The following NFKB1 variants were observed in gnomAD, a reference collection of about 807,000 sequenced individuals.
The protein encoded by NFKB1 is nuclear factor kappa B subunit 1.
Under a neutral mutation model 105.1 loss-of-function variants are expected in NFKB1, and 9 were observed. That is an observed-to-expected ratio of 0.09 (90% confidence interval 0.05 to 0.15). The LOEUF is 0.15. Among genes scored for constraint, NFKB1 ranks in the 10% least tolerant of loss-of-function variants. The pLI, the probability that NFKB1 is intolerant of heterozygous loss-of-function variation, is 1.00. For missense variants in NFKB1, 830 were observed against 1,203.7 expected (o/e 0.69, Z 4.59); for synonymous variants, 440 against 442.2 (o/e 1.00, Z 0.06).
intron 23 of NFKB1, among the ~76,000 whole-genome samples, chr4:102,615,729 A>T (rs764966785): frequency 5.9e-5 from 9 of 152,274 alleles, no homozygotes; most frequent in Admixed American, 2.0e-4. Flanking sequence ...ATCAGTCAAT[A>T]CCAAAATGAT....
chr4:102,616,654 A>G lies in NFKB1; in HGVS notation c.*60A>G, dbSNP rs916516579. On this transcript the variant is annotated 3_prime_UTR_variant, in exon 24 of 24. Transcript: ENST00000226574. Reference sequence around the variant, plus strand: ...GCCCTAAAATTCCACTGCGTTGTCCACAAGACAGAAGCTGAAGTGCATCCA... The same window carrying G: ...GCCCTAAAATTCCACTGCGTTGTCCGCAAGACAGAAGCTGAAGTGCATCCA... 2 of 1,561,236 alleles carry G rather than the reference A, an allele frequency of 1.3e-6. No individual in the cohort carries two copies. The highest frequency in any genetic ancestry group is 1.7e-6 in the Non-Finnish European group (2 of 1,146,204).
At chr4:102,528,269 G>T (rs1484503599) in intron 2 of NFKB1, among the ~76,000 whole-genome samples, 1 of 152,060 alleles carries the variant, frequency 6.6e-6, no homozygotes, top group African/African-American at 2.4e-5. Flanking sequence ...TTAAAATCCT[G>T]TATGAAATGA....
intron 6 of NFKB1, 128 bp downstream of exon 6, chr4:102,567,263 G>A: frequency 1.0e-6 from 1 of 969,182 alleles, no homozygotes; most frequent in Non-Finnish European, 1.5e-6. Context: ...AAAAAACTGT[G>A]TAAACTTGTG....
At chr4:102,592,320 T>C (rs1162876463) in intron 11 of NFKB1, among the ~76,000 whole-genome samples, 3 of 152,228 alleles carry the variant, frequency 2.0e-5, no homozygotes, top group Admixed American at 1.3e-4. Flanking sequence ...TAAAATGTTA[T>C]CAAAACAGCA....
chr4:102,574,125 C>CTTTTT (rs56977004), intron 6 of NFKB1, among the ~76,000 whole-genome samples: 23 of 93,208 alleles, frequency 2.5e-4, no homozygotes, highest in East Asian at 6.3e-4. Context: ...TCTTGGATTC[C>CTTTTT]TTTTTTTTTT....
At chr4:102,598,283 T>C (rs939958148) in intron 15 of NFKB1, among the ~76,000 whole-genome samples, 14 of 152,212 alleles carry the variant, frequency 9.2e-5, no homozygotes, top group Non-Finnish European at 1.8e-4. Context: ...GGCTTCTTTC[T>C]AAAACAGTTC....
intron 6 of NFKB1, among the ~76,000 whole-genome samples, chr4:102,574,125 CTTTTTT>C (rs56977004): frequency 3.2e-5 from 3 of 93,250 alleles, no homozygotes; most frequent in African/African-American, 1.4e-4. Flanking sequence ...TCTTGGATTC[CTTTTTT>C]TTTTTTTTTT....
intron 1 of NFKB1, among the ~76,000 whole-genome samples, chr4:102,520,995 A>G (rs1340042028): frequency 6.6e-6 from 1 of 152,204 alleles, no homozygotes; most frequent in African/African-American, 2.4e-5. Flanking sequence ...CATATAACTT[A>G]GTAAAAGTTT....
At chr4:102,529,221 A>G (rs1560644958) in intron 2 of NFKB1, among the ~76,000 whole-genome samples, 1 of 152,178 alleles carries the variant, frequency 6.6e-6, no homozygotes, top group Non-Finnish European at 1.5e-5. Context: ...CACCCACTAG[A>G]TTCCAGGTAT....
At chr4:102,596,112 A>C (rs766335149) in intron 13 of NFKB1, 26 bp from the exon 14 acceptor site, 3 of 1,479,950 alleles carry the variant, frequency 2.0e-6, no homozygotes, top group Non-Finnish European at 2.7e-6. Context: ...ACTGAGAAAA[A>C]TCTGATGTTT....
At chr4:102,580,992 A>G (rs1725275808) in intron 9 of NFKB1, among the ~76,000 whole-genome samples, 1 of 152,222 alleles carries the variant, frequency 6.6e-6, no homozygotes, top group Non-Finnish European at 1.5e-5. Flanking sequence ...AAACACACAC[A>G]CAGAATAATG....
intron 1 of NFKB1, among the ~76,000 whole-genome samples, chr4:102,514,957 T>C (rs1222242902): frequency 1.3e-5 from 2 of 152,102 alleles, no homozygotes; most frequent in Non-Finnish European, 2.9e-5. Flanking sequence ...CAGTGTACCA[T>C]CTTCATACAT....
At chr4:102,522,476 C>G (rs957948692) in intron 1 of NFKB1, among the ~76,000 whole-genome samples, 3 of 152,144 alleles carry the variant, frequency 2.0e-5, no homozygotes, top group African/African-American at 7.2e-5. Flanking sequence ...AGGGGAAGAT[C>G]ATGTTTAATT....
At chr4:102,611,029 A>G (rs1728358032) in intron 20 of NFKB1, among the ~76,000 whole-genome samples, 1 of 152,252 alleles carries the variant, frequency 6.6e-6, no homozygotes, top group African/African-American at 2.4e-5. Context: ...TGAAGCTAGG[A>G]TAAATGTTAC....
intron 1 of NFKB1, among the ~76,000 whole-genome samples, chr4:102,511,539 G>A (rs886179448): frequency 5.9e-5 from 9 of 152,074 alleles, no homozygotes; most frequent in Non-Finnish European, 1.2e-4. Flanking sequence ...AGCTGGGCAT[G>A]GTGGCACATG....
At chr4:102,527,695 A>G (rs1031554516) in intron 2 of NFKB1, among the ~76,000 whole-genome samples, 2 of 152,148 alleles carry the variant, frequency 1.3e-5, no homozygotes, top group African/African-American at 4.8e-5. Context: ...TGCAGCAAAG[A>G]CATTTGGCTA....
At chr4:102,522,826 T>C (rs1740655765) in intron 1 of NFKB1, among the ~76,000 whole-genome samples, 2 of 152,210 alleles carry the variant, frequency 1.3e-5, no homozygotes, top group Admixed American at 6.5e-5. Context: ...TCTGTGGTAT[T>C]CTAAGGATAG....
At chr4:102,575,615 T>TAA (rs1724757107) in intron 6 of NFKB1, among the ~76,000 whole-genome samples, 1 of 152,208 alleles carries the variant, frequency 6.6e-6, no homozygotes, top group Non-Finnish European at 1.5e-5. Flanking sequence ...AATTTTGTAC[T>TAA]TACTGTTCCT....
chr4:102,548,268 G>C (rs1290421369), intron 5 of NFKB1, among the ~76,000 whole-genome samples: 1 of 152,114 alleles, frequency 6.6e-6, no homozygotes, highest in Admixed American at 6.5e-5. Context: ...GGAGGTCACA[G>C]TGTGATGAAG....
Sources: allele counts gnomAD v4.1 joint callset (sites outside exome capture counted in the v4.1 genomes callset), GRCh38; gene constraint gnomAD v4.1.1; transcripts MANE v1.5; gene names NCBI Gene and HGNC (gene_info 2026-07-23, HGNC 2026-07-21).